Variants in MYLK observed in about 807,000 individuals in gnomAD.
MYLK encodes myosin light chain kinase.
A neutral mutation model predicts 203.4 loss-of-function variants in MYLK; 106 were observed. That is an observed-to-expected ratio of 0.52 (90% CI 0.45 to 0.61). MYLK has a LOEUF of 0.61. Among genes scored for constraint, MYLK ranks in the 20% least tolerant of loss-of-function variants. The pLI is 0.00. For synonymous variants in MYLK, 867 were observed against 959.5 expected (o/e 0.90, Z 1.78); for missense variants, 2,072 against 2,442.3 (o/e 0.85, Z 3.20).
intron 12 of MYLK, among the ~76,000 whole-genome samples, chr3:123,724,034 T>G (rs1352414405): frequency 6.6e-6 from 1 of 152,174 alleles, no homozygotes; most frequent in Non-Finnish European, 1.5e-5. Context: ...TTATTGTCTA[T>G]GGCTTATGTA....
intron 3 of MYLK, 116 bp downstream of exon 3, chr3:123,831,432 G>A: frequency 7.8e-7 from 1 of 1,289,316 alleles, no homozygotes. Context: ...TCTCACCTTG[G>A]GGGCAGCAGT....
At chr3:123,643,613 TAGAC>T (rs1055662796) in intron 27 of MYLK, among the ~76,000 whole-genome samples, 2 of 152,216 alleles carry the variant, frequency 1.3e-5, no homozygotes, top group Non-Finnish European at 1.5e-5. Flanking sequence ...ATTGGTTTGA[TAGAC>T]AGAAACTGCC....
intron 2 of MYLK, among the ~76,000 whole-genome samples, chr3:123,866,553 G>C (rs569217665): frequency 1.6e-4 from 24 of 152,208 alleles, no homozygotes; most frequent in Non-Finnish European, 3.2e-4. Flanking sequence ...ATAAGTATAA[G>C]GAGAAAAATT....
chr3:123,692,111 G>A (rs1271271586), intron 19 of MYLK: 9 of 167,800 alleles, frequency 5.4e-5, no homozygotes, highest in South Asian at 3.3e-4. Context: ...CCAGTTCCTC[G>A]CAGCTTGGCA....
intron 20 of MYLK, among the ~76,000 whole-genome samples, chr3:123,677,208 T>G (rs1307989315): frequency 6.6e-6 from 1 of 152,236 alleles, no homozygotes; most frequent in Non-Finnish European, 1.5e-5. Context: ...TCAACTGAAC[T>G]GTGTCACTCA....
intron 27 of MYLK, among the ~76,000 whole-genome samples, chr3:123,645,020 T>C (rs2058966159): frequency 6.6e-6 from 1 of 152,156 alleles, no homozygotes; most frequent in African/African-American, 2.4e-5. Flanking sequence ...TAGGGAGGAT[T>C]TGTTCCACAA....
intron 5 of MYLK, among the ~76,000 whole-genome samples, chr3:123,750,372 C>T (rs1269493413): frequency 6.6e-6 from 1 of 152,192 alleles, no homozygotes; most frequent in African/African-American, 2.4e-5. Flanking sequence ...AGCCTGATTT[C>T]CTTTCCCCTG....
At chr3:123,847,481 A>T (rs1158835396) in intron 2 of MYLK, among the ~76,000 whole-genome samples, 1 of 152,122 alleles carries the variant, frequency 6.6e-6, no homozygotes, top group Non-Finnish European at 1.5e-5. Flanking sequence ...TGTCTTTTTT[A>T]TGACTTTATT....
intron 3 of MYLK, 73 bp downstream of exon 3, chr3:123,831,475 C>T (rs748966711): frequency 2.1e-5 from 27 of 1,276,934 alleles, no homozygotes; most frequent in Non-Finnish European, 2.8e-5. Context: ...CACACAGCTC[C>T]CCTCTCTGCA....
intron 4 of MYLK, among the ~76,000 whole-genome samples, chr3:123,773,701 G>A (rs1229547971): frequency 6.6e-6 from 1 of 152,176 alleles, no homozygotes; most frequent in Non-Finnish European, 1.5e-5. Flanking sequence ...ATGGACATAT[G>A]GGAGGGCTGT....
rs114539331 is a variant in MYLK, at chr3:123,875,080, T to G, written c.-127+1479A>C. Among the ~76,000 whole-genome samples the G allele has an allele frequency of 2.9e-3, 449 of 152,274 alleles. 2 individuals carry two copies. Among genetic ancestry groups the G allele is most frequent in the African/African-American group, 9.9e-3 (412 of 41,552 alleles). ...TTTGGAAAACAGTTTGGTATTCCATTACATTTACCATACCTCCCAGAAACC... is the reference window on the plus strand; with the variant it reads ...TTTGGAAAACAGTTTGGTATTCCATGACATTTACCATACCTCCCAGAAACC... On this transcript the variant is annotated intron_variant, in intron 2 of 33. Transcript: ENST00000360304.
At chr3:123,699,877 C>G in intron 18 of MYLK, 143 bp downstream of exon 18, 2 of 1,082,024 alleles carry the variant, frequency 1.8e-6, no homozygotes, top group Non-Finnish European at 2.7e-6. Flanking sequence ...GGCCCTCCTA[C>G]CCAGCAGGCC....
In MYLK at chr3:123,810,535, G is replaced by C. The variant is rs1364339528; in HGVS notation, c.-3-16691C>G. Among the ~76,000 whole-genome samples the C allele has an allele frequency of 2.0e-5, 3 of 152,246 alleles. No homozygotes were observed. The East Asian group carries it at 5.8e-4, about 29-fold the overall frequency. ...GGCGCTCAATAGAATACAAAATGAG[G>C]AAATGTAAGCCAGCTCTAAGCCTGG... On this transcript the variant is annotated intron_variant, in intron 3 of 33. Transcript: ENST00000360304.
chr3:123,613,967 G>C lies in MYLK; in HGVS notation c.*138C>G. The C allele has an allele frequency of 2.8e-6, 3 of 1,077,348 alleles. No homozygotes were observed. Among genetic ancestry groups the C allele is most frequent in the Non-Finnish European group, 4.1e-6 (3 of 728,016 alleles). 66.7% of individuals were successfully genotyped at this position (1,077,348 alleles called of 1,614,324 possible). A position where few individuals can be genotyped will look rare whatever the true frequency, so the allele number is the denominator to read the frequency against. The stretch of plus-strand genomic sequence containing the variant: ...CTAGGTATCAACTGCTGTTTCTGAA[G>C]AATCAACCCACAAATGACCTAACCG... On this transcript the variant is annotated 3_prime_UTR_variant, in exon 34 of 34. Transcript: ENST00000360304.
At chr3:123,735,790 C>T (rs1024211489) in intron 8 of MYLK, 3 of 195,182 alleles carry the variant, frequency 1.5e-5, no homozygotes, top group African/African-American at 2.3e-5. Context: ...TTATCCAGTT[C>T]TTCAAAGAAA....
rs959794989 is a variant in MYLK at position 123,873,094 on chromosome 3, T to C, written c.-127+3465A>G. The stretch of plus-strand genomic sequence containing the variant: ...AGGAAACTCCCAGGGTTTTAGAAGC[T>C]CTATGCCAGAAACTGAAAATAAAGA... On this transcript the variant is annotated intron_variant, in intron 2 of 33. Coordinates refer to ENST00000360304, the MANE Select transcript of MYLK (RefSeq NM_053025.4). 2.0e-5 allele frequency among the ~76,000 whole-genome samples: 3 copies of C among 152,186 alleles called. No individual in the cohort carries two copies. In the South Asian group the frequency reaches 6.2e-4, roughly 32 times the overall value.
At chr3:123,690,622 T>G (rs1031779929) in intron 19 of MYLK, among the ~76,000 whole-genome samples, 6 of 151,976 alleles carry the variant, frequency 3.9e-5, no homozygotes, top group African/African-American at 1.5e-4. Context: ...GATGAAAAAA[T>G]AAAGCTAAAT....
chr3:123,716,283 G>A (rs2061891603), intron 13 of MYLK: 1 of 152,190 alleles, frequency 6.6e-6, no homozygotes, highest in South Asian at 2.1e-4. Flanking sequence ...TGTGCAAGCT[G>A]TAAATCCCCG....
chr3:123,780,486 T>C (rs532589492), intron 4 of MYLK, among the ~76,000 whole-genome samples: 82 of 152,278 alleles, frequency 5.4e-4, no homozygotes, highest in African/African-American at 1.9e-3. Flanking sequence ...CATGTTATGT[T>C]GGAACAGGAA....
Sources: allele counts gnomAD v4.1 joint callset (sites outside exome capture counted in the v4.1 genomes callset), GRCh38; gene constraint gnomAD v4.1.1; transcripts MANE v1.5; gene names NCBI Gene and HGNC (gene_info 2026-07-23, HGNC 2026-07-21).